Variants in PLA2G4A observed in about 807,000 individuals in gnomAD.
PLA2G4A encodes the protein phospholipase A2 group IVA, also known as cytosolic phospholipase A2.
In PLA2G4A, 40 loss-of-function variants were observed where a neutral mutation model predicts 81.9. The observed-to-expected ratio is 0.49, with a 90% confidence interval of 0.38 to 0.64. PLA2G4A has a LOEUF of 0.64. Among genes scored for constraint, PLA2G4A ranks in the 30% least tolerant of loss-of-function variants. PLA2G4A has a pLI of 0.00. For synonymous variants in PLA2G4A, 302 were observed against 296.9 expected (o/e 1.02, Z -0.18); for missense variants, 715 against 905.1 (o/e 0.79, Z 2.69).
At chr1:186,853,197 A>G (rs1652435593) in intron 1 of PLA2G4A, among the ~76,000 whole-genome samples, 1 of 151,852 alleles carries the variant, frequency 6.6e-6, no homozygotes, top group Non-Finnish European at 1.5e-5. Context: ...TATTTTTTAC[A>G]ACCAAATATA....
At chr1:186,837,863 A>G (rs1376594316) in intron 1 of PLA2G4A, among the ~76,000 whole-genome samples, 1 of 152,142 alleles carries the variant, frequency 6.6e-6, no homozygotes, top group East Asian at 1.9e-4. Context: ...TTGCATCCAG[A>G]GAGCCATGGT....
chr1:186,966,500 G>C (rs1024721929), intron 15 of PLA2G4A, among the ~76,000 whole-genome samples: 1 of 152,092 alleles, frequency 6.6e-6, no homozygotes, highest in African/African-American at 2.4e-5. Context: ...TGATGACTTC[G>C]AAGTTTTATA....
intron 15 of PLA2G4A, among the ~76,000 whole-genome samples, chr1:186,969,631 C>A (rs1344350000): frequency 6.6e-6 from 1 of 151,764 alleles, no homozygotes; most frequent in African/African-American, 2.4e-5. Context: ...GTTTTTAGTT[C>A]CACATGTAAG....
rs1651536422 is a variant in PLA2G4A, at chr1:186,830,938, CTTGCTTGCTTGCTTGCTTGCTTTCTT to C, written c.-70+1905_-70+1930del. The stretch of plus-strand genomic sequence containing the variant: ...CTCCTTCTTGCTCCAGATTGTATAG[CTTGCTTGCTTGCTTGCTTGCTTTCTT>C]TCTTTCTTTCTTTCTTTCTTTCTTT... On this transcript the variant is annotated intron_variant, in intron 1 of 17. Coordinates refer to ENST00000367466, the MANE Select transcript of PLA2G4A (RefSeq NM_024420.3). 5.9e-5 allele frequency among the ~76,000 whole-genome samples: 3 copies of C among 50,504 alleles called. No homozygotes were observed. The Admixed American group carries it at 7.2e-4, about 12-fold the overall frequency. 33.1% of individuals were successfully genotyped at this position (50,504 alleles called of 152,430 possible).
chr1:186,829,542 C>T (rs541537411), intron 1 of PLA2G4A, among the ~76,000 whole-genome samples: 2 of 151,850 alleles, frequency 1.3e-5, no homozygotes, highest in South Asian at 4.2e-4. Context: ...CAGAATTATG[C>T]GAAAGAAAGA....
At chr1:186,846,533 C>A (rs968795844) in intron 1 of PLA2G4A, among the ~76,000 whole-genome samples, 18 of 152,132 alleles carry the variant, frequency 1.2e-4, no homozygotes, top group Non-Finnish European at 2.4e-4. Flanking sequence ...TGACATCTGA[C>A]AACCACAGTA....
chr1:186,858,918 C>CGTGT (rs142558787), intron 2 of PLA2G4A, among the ~76,000 whole-genome samples: 76 of 147,876 alleles, frequency 5.1e-4, no homozygotes, highest in South Asian at 2.4e-3. Context: ...TGGGTGTGTG[C>CGTGT]GTGTGTGTGT....
intron 2 of PLA2G4A, among the ~76,000 whole-genome samples, chr1:186,860,784 A>G (rs981390004): frequency 1.3e-5 from 2 of 152,170 alleles, no homozygotes. Flanking sequence ...TTTACCACAC[A>G]ACATAGATCA....
intron 13 of PLA2G4A, among the ~76,000 whole-genome samples, chr1:186,951,228 C>T (rs779895307): frequency 6.6e-5 from 10 of 152,004 alleles, no homozygotes; most frequent in East Asian, 1.9e-4. Flanking sequence ...GAACTTGATA[C>T]GTATATTATT....
In PLA2G4A at chr1:186,830,962, CTT is replaced by C. The variant is rs1451944130; in HGVS notation, c.-70+1929_-70+1930del. Among the ~76,000 whole-genome samples, 186 of 27,332 alleles carry C rather than the reference CTT, an allele frequency of 6.8e-3. 2 individuals carry two copies. Among genetic ancestry groups the C allele is most frequent in the African/African-American group, 0.021 (151 of 7,070 alleles). 17.9% of individuals were successfully genotyped at this position (27,332 alleles called of 152,430 possible). A position where few individuals can be genotyped will look rare whatever the true frequency, so the allele number is the denominator to read the frequency against. On this transcript the variant is annotated intron_variant, in intron 1 of 17. Transcript: ENST00000367466. ...GCTTGCTTGCTTGCTTGCTTGCTTT[CTT>C]TCTTTCTTTCTTTCTTTCTTTCTTT...
At chr1:186,970,939 G>C (rs7547156) in intron 15 of PLA2G4A, among the ~76,000 whole-genome samples, 3 of 151,348 alleles carry the variant, frequency 2.0e-5, no homozygotes, top group African/African-American at 7.3e-5. Flanking sequence ...TTCTATTTCT[G>C]TAAAGAATGT....
chr1:186,871,815 CT>C (rs1653281998), intron 3 of PLA2G4A, among the ~76,000 whole-genome samples: 1 of 151,876 alleles, frequency 6.6e-6, no homozygotes, highest in South Asian at 2.1e-4. Context: ...AATGTTGTGA[CT>C]GTAGTATGTT....
chr1:186,850,625 G>T (rs1652340091), intron 1 of PLA2G4A, among the ~76,000 whole-genome samples: 1 of 152,100 alleles, frequency 6.6e-6, no homozygotes, highest in Non-Finnish European at 1.5e-5. Flanking sequence ...TACTGTTCGT[G>T]AATTGAATGG....
chr1:186,962,615 G>A (rs928307045), intron 14 of PLA2G4A, among the ~76,000 whole-genome samples: 3 of 151,922 alleles, frequency 2.0e-5, no homozygotes, highest in Non-Finnish European at 4.4e-5. Flanking sequence ...TCCGTCTCCC[G>A]AGTTCACGCC....
intron 8 of PLA2G4A, among the ~76,000 whole-genome samples, chr1:186,935,127 G>A (rs1466085616): frequency 6.6e-6 from 1 of 152,034 alleles, no homozygotes; most frequent in Non-Finnish European, 1.5e-5. Flanking sequence ...GATGCTTCAA[G>A]AAGGAGTGGG....
intron 14 of PLA2G4A, among the ~76,000 whole-genome samples, chr1:186,962,477 G>GTTATTTTATT (rs577596426): frequency 4.4e-4 from 61 of 138,386 alleles, no homozygotes; most frequent in African/African-American, 1.8e-3. Context: ...ATACTTTGTA[G>GTTATTTTATT]TTATTTTATT....
intron 10 of PLA2G4A, among the ~76,000 whole-genome samples, chr1:186,942,076 G>T (rs1212946327): frequency 6.6e-6 from 1 of 152,130 alleles, no homozygotes; most frequent in Non-Finnish European, 1.5e-5. Context: ...AATATGAAAG[G>T]CACATTTAAT....
intron 14 of PLA2G4A, among the ~76,000 whole-genome samples, chr1:186,962,004 G>A (rs1656962516): frequency 6.6e-6 from 1 of 152,170 alleles, no homozygotes; most frequent in Non-Finnish European, 1.5e-5. Flanking sequence ...CTCCTGAGAT[G>A]CAAATCATCT....
intron 3 of PLA2G4A, among the ~76,000 whole-genome samples, chr1:186,873,117 GAAAT>G (rs1653342971): frequency 1.4e-5 from 2 of 147,094 alleles, no homozygotes; most frequent in Non-Finnish European, 3.0e-5. Flanking sequence ...GAGTGTTAGA[GAAAT>G]AAATATAGTG....
Sources: allele counts gnomAD v4.1 joint callset (sites outside exome capture counted in the v4.1 genomes callset), GRCh38; gene constraint gnomAD v4.1.1; transcripts MANE v1.5; gene names NCBI Gene and HGNC (gene_info 2026-07-23, HGNC 2026-07-21).